The following SORCS2 variants were observed in gnomAD, a reference collection of about 807,000 sequenced individuals.
The protein encoded by SORCS2 is sortilin related VPS10 domain containing receptor 2.
SORCS2 carries 100 observed loss-of-function variants against 141.6 expected under a neutral mutation model. That is an observed-to-expected ratio of 0.71 (90% CI 0.60 to 0.83). The LOEUF (loss-of-function observed/expected upper bound fraction) is 0.83, where lower values mean the gene tolerates loss of function less well. Among genes scored for constraint, SORCS2 ranks in the 40% least tolerant of loss-of-function variants. The pLI is 0.00. For missense variants in SORCS2, 1,646 were observed against 1,560.2 expected (o/e 1.05, Z -0.93); for synonymous variants, 789 against 676.9 (o/e 1.17, Z -2.57).
chr4:7,307,155 C>T (rs1052979857), intron 1 of SORCS2, among the ~76,000 whole-genome samples: 1 of 152,200 alleles, frequency 6.6e-6, no homozygotes, highest in African/African-American at 2.4e-5. Flanking sequence ...GAAGGCGACG[C>T]CAGCCTCATC....
chr4:7,729,265 C>T (rs1359888560), intron 22 of SORCS2, among the ~76,000 whole-genome samples: 1 of 152,062 alleles, frequency 6.6e-6, no homozygotes, highest in Non-Finnish European at 1.5e-5. Context: ...TGATGGAGGA[C>T]ATTAGCCAGG....
chr4:7,686,793 G>A (rs946655135), intron 10 of SORCS2, among the ~76,000 whole-genome samples: 43 of 152,354 alleles, frequency 2.8e-4, no homozygotes, highest in African/African-American at 9.9e-4. Flanking sequence ...TCAGACACCA[G>A]CATGGCACCT....
Position 7,511,436 on chromosome 4 carries a change from G to GAA in SORCS2, c.549-20094_549-20093insAA, listed in dbSNP as rs201848762. 9.9e-4 allele frequency among the ~76,000 whole-genome samples: 38 copies of GAA among 38,492 alleles called. 2 individuals are homozygous for GAA. The South Asian group carries it at 0.079, about 80-fold the overall frequency. 25.3% of individuals were successfully genotyped at this position (38,492 alleles called of 152,430 possible). On this transcript the variant is annotated intron_variant, in intron 2 of 26. Transcript: ENST00000507866. ...GGGAGGGAGAGAGGGGCGGGGTTGGGGAGACACACACACACACACACAGAT... is the reference window on the plus strand; with the variant it reads ...GGGAGGGAGAGAGGGGCGGGGTTGGGAAGAGACACACACACACACACACAGAT...
At chr4:7,542,164 T>TG (rs34481337) in intron 3 of SORCS2, among the ~76,000 whole-genome samples, 1 of 152,152 alleles carries the variant, frequency 6.6e-6, no homozygotes, top group African/African-American at 2.4e-5. Context: ...GGCGGAGGGT[T>TG]GGGGGGTGTT....
chr4:7,504,044 A>G (rs998641454), intron 2 of SORCS2, among the ~76,000 whole-genome samples: 1 of 151,884 alleles, frequency 6.6e-6, no homozygotes, highest in Admixed American at 6.6e-5. Flanking sequence ...GTGCTTTCCC[A>G]CCCCTGACCT....
intron 3 of SORCS2, among the ~76,000 whole-genome samples, chr4:7,601,323 T>A (rs370250135): frequency 1.3e-5 from 2 of 150,724 alleles, no homozygotes; most frequent in Non-Finnish European, 3.0e-5. Context: ...TTTTTTTTTT[T>A]AAGTTATCAA....
chr4:7,203,172 C>T (rs1468445430), intron 1 of SORCS2, among the ~76,000 whole-genome samples: 6 of 152,220 alleles, frequency 3.9e-5, no homozygotes, highest in Non-Finnish European at 7.3e-5. Context: ...TGGCTCACGC[C>T]TGTAATCCCA....
At chr4:7,570,016 C>T (rs184894887) in intron 3 of SORCS2, among the ~76,000 whole-genome samples, 106 of 152,234 alleles carry the variant, frequency 7.0e-4, no homozygotes, top group African/African-American at 2.4e-3. Flanking sequence ...GGGCTCCCAG[C>T]GTTTTCAAGG....
intron 12 of SORCS2, among the ~76,000 whole-genome samples, chr4:7,699,810 A>G (rs1724943206): frequency 6.6e-6 from 1 of 152,128 alleles, no homozygotes; most frequent in Non-Finnish European, 1.5e-5. Flanking sequence ...GCTTCTCCTC[A>G]GATGTTCCCC....
chr4:7,377,007 T>A (rs928835736), intron 1 of SORCS2, among the ~76,000 whole-genome samples: 1 of 151,292 alleles, frequency 6.6e-6, no homozygotes, highest in Non-Finnish European at 1.5e-5. Context: ...GTGAAAGTGG[T>A]TTGTGCCTGC....
At chr4:7,336,850 C>T (rs909042922) in intron 1 of SORCS2, among the ~76,000 whole-genome samples, 1 of 152,150 alleles carries the variant, frequency 6.6e-6, no homozygotes, top group South Asian at 2.1e-4. Flanking sequence ...TGTGTCCCCA[C>T]GGAGCTGGGA....
chr4:7,644,894 G>A (rs569742811), intron 4 of SORCS2, among the ~76,000 whole-genome samples: 21 of 152,330 alleles, frequency 1.4e-4, no homozygotes, highest in South Asian at 6.2e-4. Flanking sequence ...GGGCTGTCCC[G>A]GATGTGTTTA....
chr4:7,437,763 T>C (rs1382085201), intron 2 of SORCS2, among the ~76,000 whole-genome samples: 1 of 152,062 alleles, frequency 6.6e-6, no homozygotes, highest in African/African-American at 2.4e-5. Flanking sequence ...ACTTAAAGGA[T>C]GGCTGCAAGA....
At chr4:7,350,809 A>G (rs1448419578) in intron 1 of SORCS2, among the ~76,000 whole-genome samples, 3 of 152,196 alleles carry the variant, frequency 2.0e-5, no homozygotes, top group African/African-American at 4.8e-5. Flanking sequence ...TGCCAGCTCC[A>G]GCCTCCTTGG....
chr4:7,328,266 C>T (rs1377256478), intron 1 of SORCS2, among the ~76,000 whole-genome samples: 1 of 150,900 alleles, frequency 6.6e-6, no homozygotes, highest in Non-Finnish European at 1.5e-5. Context: ...GAACTCCTGG[C>T]TTCAAGTGAT....
chr4:7,266,033 C>T (rs201503532), intron 1 of SORCS2, among the ~76,000 whole-genome samples: 9 of 152,190 alleles, frequency 5.9e-5, no homozygotes, highest in Admixed American at 2.6e-4. Context: ...TCTCCTTTCC[C>T]GGCCCTGCAC....
At chr4:7,348,411 A>T (rs1473969833) in intron 1 of SORCS2, among the ~76,000 whole-genome samples, 1 of 152,168 alleles carries the variant, frequency 6.6e-6, no homozygotes, top group African/African-American at 2.4e-5. Context: ...TGTGGCATGC[A>T]TTTGTTCACC....
At chr4:7,253,009 G>A (rs1338642715) in intron 1 of SORCS2, among the ~76,000 whole-genome samples, 1 of 152,266 alleles carries the variant, frequency 6.6e-6, no homozygotes, top group East Asian at 1.9e-4. Flanking sequence ...AGAGGCCACA[G>A]CTTGGACCCC....
chr4:7,645,558 C>T (rs1017193476), intron 4 of SORCS2, among the ~76,000 whole-genome samples: 1 of 152,020 alleles, frequency 6.6e-6, no homozygotes, highest in East Asian at 1.9e-4. Context: ...TGCCTGGCTC[C>T]GTAAAAGGCC....
Sources: gnomAD v4.1 joint callset for allele counts (sites outside exome capture counted in the v4.1 genomes callset) on GRCh38, gnomAD v4.1.1 for gene constraint, MANE v1.5 for transcripts, NCBI Gene and HGNC (gene_info 2026-07-23, HGNC 2026-07-21) for gene names.